The following PALM2AKAP2 variants were observed in gnomAD, a reference collection of about 807,000 sequenced individuals.
PALM2AKAP2 encodes PALM2 and AKAP2 fusion.
A neutral mutation model predicts 71.5 loss-of-function variants in PALM2AKAP2; 37 were observed. The observed-to-expected ratio is 0.52, with a 90% confidence interval of 0.40 to 0.68. The LOEUF (loss-of-function observed/expected upper bound fraction) is 0.68. Ranked by LOEUF, PALM2AKAP2 falls within the 30% of genes least tolerant of loss-of-function variation. The pLI is 0.00. For synonymous variants in PALM2AKAP2, 468 were observed against 478.8 expected (o/e 0.98, Z 0.29); for missense variants, 1,224 against 1,191.8 (o/e 1.03, Z -0.40).
At chr9:109,866,557 A>C (rs564366057) in intron 1 of PALM2AKAP2, among the ~76,000 whole-genome samples, 1 of 152,220 alleles carries the variant, frequency 6.6e-6, no homozygotes, top group African/African-American at 2.4e-5. Context: ...GAAAGGTTAT[A>C]GTGGAAATGC....
At chr9:109,867,677 A>C in intron 2 of PALM2AKAP2, 106 bp downstream of exon 2, 2 of 1,294,994 alleles carry the variant, frequency 1.5e-6, no homozygotes, top group Non-Finnish European at 1.0e-6. Context: ...CGCCAACCAA[A>C]CCAGCCTTTT....
At chr9:109,758,922 T>G (rs1461443104) in intron 1 of PALM2AKAP2, among the ~76,000 whole-genome samples, 1 of 152,242 alleles carries the variant, frequency 6.6e-6, no homozygotes, top group African/African-American at 2.4e-5. Context: ...AGCTTTCATT[T>G]GCCTTTCTCT....
chr9:109,792,466 A>T (rs796664562), intron 1 of PALM2AKAP2, among the ~76,000 whole-genome samples: 4 of 152,312 alleles, frequency 2.6e-5, no homozygotes, highest in African/African-American at 9.6e-5. Flanking sequence ...TCTCAATTTG[A>T]ACACATGCGT....
chr9:109,906,399 A>C (rs1218461793), intron 3 of PALM2AKAP2, among the ~76,000 whole-genome samples: 3 of 152,062 alleles, frequency 2.0e-5, no homozygotes, highest in Non-Finnish European at 4.4e-5. Flanking sequence ...GGGTTTCATC[A>C]TGTTGGCCAG....
At chr9:109,964,575 C>T (rs1831910735) in intron 6 of PALM2AKAP2, among the ~76,000 whole-genome samples, 1 of 152,180 alleles carries the variant, frequency 6.6e-6, no homozygotes, top group South Asian at 2.1e-4. Flanking sequence ...TTTTGCTCTG[C>T]AAGCTTCTGT....
At chr9:109,771,085 G>A (rs776765460) in intron 1 of PALM2AKAP2, among the ~76,000 whole-genome samples, 1 of 152,166 alleles carries the variant, frequency 6.6e-6, no homozygotes, top group East Asian at 1.9e-4. Flanking sequence ...CAATGATCAT[G>A]GTGGCTTATG....
chr9:109,685,447 T>G (rs1414580665), intron 1 of PALM2AKAP2, among the ~76,000 whole-genome samples: 1 of 151,972 alleles, frequency 6.6e-6, no homozygotes, highest in Non-Finnish European at 1.5e-5. Flanking sequence ...GTCACACAAG[T>G]TTTTTTTGGT....
intron 1 of PALM2AKAP2, 53 bp downstream of exon 1, chr9:109,780,586 G>T: frequency 6.2e-7 from 1 of 1,611,314 alleles, no homozygotes; most frequent in Non-Finnish European, 8.5e-7. Context: ...GTGGAAGGGG[G>T]CCCCCGAGGG....
chr9:110,061,626 T>C (rs1024113291), intron 1 of PALM2AKAP2, among the ~76,000 whole-genome samples: 4 of 148,066 alleles, frequency 2.7e-5, no homozygotes, highest in South Asian at 2.1e-4. Flanking sequence ...ATATAAAATA[T>C]ATATATTTAT....
At chr9:110,022,368 C>T (rs1011376977) in intron 7 of PALM2AKAP2, among the ~76,000 whole-genome samples, 9 of 152,076 alleles carry the variant, frequency 5.9e-5, no homozygotes, top group African/African-American at 1.7e-4. Flanking sequence ...GATAATATCC[C>T]TCTGCTAAGG....
At position 110,090,170 on chromosome 9, in the gene PALM2AKAP2, T is replaced by C. The variant is rs1450379912; in HGVS notation, c.156+41315T>C. On this transcript the variant is annotated intron_variant, in intron 1 of 3. Coordinates refer to ENST00000374525, the Ensembl canonical transcript of PALM2AKAP2. ...AGTCGGGCCGGTTCACATTGCAGCC[T>C]GTGTGCTTCCTGGGGCAGCGTCCAC... 16 of 326,564 alleles carry C rather than the reference T, an allele frequency of 4.9e-5. No homozygotes were observed. In the East Asian group the frequency reaches 1.3e-3, roughly 26 times the overall value. 20.2% of individuals were successfully genotyped at this position (326,564 alleles called of 1,614,324 possible).
At position 109,750,573 on chromosome 9, in the gene PALM2AKAP2, T is replaced by A. The variant is rs865804599; in HGVS notation, c.6-29915T>A. 2.9e-3 allele frequency among the ~76,000 whole-genome samples: 430 copies of A among 149,046 alleles called. 2 individuals are homozygous for A. Among genetic ancestry groups the A allele is most frequent in the African/African-American group, 9.5e-3 (386 of 40,716 alleles). On this transcript the variant is annotated intron_variant, in intron 1 of 6. Coordinates refer to the PALM2AKAP2 transcript ENST00000374531. ...ATCCTCAGAGCTCTGCCCTAGGACG[T>A]GTGTGTGTGTGTGTGTGTGTGTGTG...
intron 6 of PALM2AKAP2, among the ~76,000 whole-genome samples, chr9:109,990,699 G>A (rs1325840629): frequency 3.9e-5 from 6 of 152,194 alleles, no homozygotes; most frequent in Non-Finnish European, 7.3e-5. Flanking sequence ...ACTGCAATAG[G>A]CATCAGACCA....
chr9:109,849,080 A>G (rs1828938897), intron 1 of PALM2AKAP2, among the ~76,000 whole-genome samples: 1 of 152,140 alleles, frequency 6.6e-6, no homozygotes, highest in East Asian at 1.9e-4. Flanking sequence ...GCAAGGATGG[A>G]AGCAAGGAGG....
chr9:109,769,040 GAC>G (rs1226846697), intron 1 of PALM2AKAP2, among the ~76,000 whole-genome samples: 3 of 152,152 alleles, frequency 2.0e-5, no homozygotes, highest in African/African-American at 7.2e-5. Flanking sequence ...AATTTAAAAA[GAC>G]TGTTGGAAAC....
At chr9:109,835,207 G>A (rs547415402) in intron 1 of PALM2AKAP2, among the ~76,000 whole-genome samples, 2 of 149,138 alleles carry the variant, frequency 1.3e-5, no homozygotes, top group South Asian at 2.2e-4. Flanking sequence ...AGGGAAAGAG[G>A]GGAGGGTGTA....
chr9:109,737,803 G>A (rs991588421), intron 1 of PALM2AKAP2, among the ~76,000 whole-genome samples: 2 of 152,198 alleles, frequency 1.3e-5, no homozygotes, highest in Non-Finnish European at 1.5e-5. Context: ...CCAAATTAAA[G>A]AACTCTGTTC....
intron 1 of PALM2AKAP2, among the ~76,000 whole-genome samples, chr9:109,691,868 A>G (rs1827894950): frequency 2.8e-5 from 1 of 35,740 alleles, no homozygotes. Context: ...ATATATATAT[A>G]CACACACACA....
At position 110,097,053 on chromosome 9, in the gene PALM2AKAP2, AC is replaced by A. The variant is rs575058708; in HGVS notation, c.157-39073del. ...TAGTGGAGGGAAGGTCAGCAGATAA[AC>A]AAGTGAACAAAGGTCTCTGGTTTTC... On this transcript the variant is annotated intron_variant, in intron 1 of 3. Coordinates refer to ENST00000374525, the Ensembl canonical transcript of PALM2AKAP2. Among the ~76,000 whole-genome samples the A allele has an allele frequency of 4.3e-3, 631 of 148,306 alleles. 3 individuals carry two copies. The highest frequency in any genetic ancestry group is 0.015 in the African/African-American group (593 of 40,532).
Sources: gnomAD v4.1 joint callset for allele counts (sites outside exome capture counted in the v4.1 genomes callset) on GRCh38, gnomAD v4.1.1 for gene constraint, MANE v1.5 for transcripts, NCBI Gene and HGNC (gene_info 2026-07-23, HGNC 2026-07-21) for gene names.